Variants in SLC20A2 observed in about 807,000 individuals in gnomAD.
SLC20A2 encodes sodium-dependent phosphate transporter 2.
Under a neutral mutation model 61.0 loss-of-function variants are expected in SLC20A2, and 30 were observed. The observed-to-expected ratio is 0.49, with a 90% CI of 0.37 to 0.67. SLC20A2 has a LOEUF of 0.67. SLC20A2 is among the 30% of genes least tolerant of loss of function. The probability of loss-of-function intolerance (pLI) is 0.00; values close to 1 mark genes in which losing one functional copy is unlikely to be tolerated. For missense variants in SLC20A2, 626 were observed against 866.4 expected (o/e 0.72, Z 3.48); for synonymous variants, 351 against 353.3 (o/e 0.99, Z 0.07).
intron 10 of SLC20A2, among the ~76,000 whole-genome samples, chr8:42,426,028 T>TC (rs571060023): frequency 9.4e-4 from 143 of 151,690 alleles, no homozygotes; most frequent in Non-Finnish European, 1.5e-3. Flanking sequence ...AGAGCGAGAC[T>TC]CCATCTCAAA....
chr8:42,439,573 A>C lies in SLC20A2; in HGVS notation c.811T>G (p.Phe271Val). 1.9e-6 allele frequency: 3 copies of C among 1,614,168 alleles called. No individual in the cohort carries two copies. The highest frequency in any genetic ancestry group is 2.5e-6 in the Non-Finnish European group (3 of 1,180,020). ...GCCTTGGCACCTGGTAGCTCTTTAA[A>C]TACTGGGGACTCTGCTTCCTGAACC... The part of the protein sequence containing the change: ...SKVQEAESPV[F>V]KELPGAKAND... Residue 271 changes from phenylalanine to valine, a missense_variant, in exon 7 of 11, where the codon TTT (phenylalanine) becomes GTT (valine). Phe to Val is a conservative substitution (Grantham distance 50, BLOSUM62 -1). Around this residue, in one of 3 missense-constraint regions of SLC20A2, gnomAD observed 361 missense variants for 422.3 expected, o/e 0.85. Coordinates refer to ENST00000520262, the MANE Select transcript of SLC20A2 (RefSeq NM_001257180.2).
intron 5 of SLC20A2, among the ~76,000 whole-genome samples, chr8:42,458,000 T>C (rs564336721): frequency 6.6e-6 from 1 of 152,326 alleles, no homozygotes; most frequent in East Asian, 1.9e-4. Context: ...AAGAGGGCGC[T>C]TTTCGATTAT....
At chr8:42,534,414 T>G (rs1052934495) in intron 1 of SLC20A2, among the ~76,000 whole-genome samples, 14 of 152,232 alleles carry the variant, frequency 9.2e-5, no homozygotes, top group Non-Finnish European at 1.6e-4. Context: ...TACCCATGTT[T>G]TTCTGGTTTC....
chr8:42,476,320 G>T (rs1038804988), intron 1 of SLC20A2, among the ~76,000 whole-genome samples: 1 of 151,734 alleles, frequency 6.6e-6, no homozygotes, highest in African/African-American at 2.4e-5. Flanking sequence ...AGCCAGGATG[G>T]TCTCAATCTG....
intron 1 of SLC20A2, among the ~76,000 whole-genome samples, chr8:42,491,745 C>G (rs564460137): frequency 1.3e-5 from 2 of 152,080 alleles, no homozygotes; most frequent in Non-Finnish European, 2.9e-5. Flanking sequence ...TCTCAGAAAC[C>G]CTTTTTATCT....
intron 8 of SLC20A2, 122 bp from the exon 9 acceptor site, chr8:42,430,371 CT>C (rs770106630): frequency 8.2e-4 from 716 of 878,088 alleles, no homozygotes; most frequent in Non-Finnish European, 9.4e-4. Flanking sequence ...GTTTTTCTTT[CT>C]TTTTTTTTGA....
At chr8:42,441,120 G>C (rs1407191113) in intron 6 of SLC20A2, among the ~76,000 whole-genome samples, 1 of 150,172 alleles carries the variant, frequency 6.7e-6, no homozygotes, top group Non-Finnish European at 1.5e-5. Context: ...CTTTGGTGAA[G>C]TGTCTATTCA....
At chr8:42,491,513 A>G (rs1809510241) in intron 1 of SLC20A2, among the ~76,000 whole-genome samples, 1 of 151,966 alleles carries the variant, frequency 6.6e-6, no homozygotes, top group Admixed American at 6.6e-5. Flanking sequence ...TCCAAAAAAA[A>G]AAAAAAAATT....
At chr8:42,459,248 A>AAAAC (rs1806503107) in intron 5 of SLC20A2, among the ~76,000 whole-genome samples, 1 of 149,688 alleles carries the variant, frequency 6.7e-6, no homozygotes, top group African/African-American at 2.5e-5. Context: ...AAAAAAAAAA[A>AAAAC]AAAAAAAAAA....
rs182877436 is a variant in SLC20A2, at chr8:42,453,658, A to T, written c.613+6238T>A. ...AATAAGATTTTGACTCACTCACTGG[A>T]CATTCTAGAAACATTCCCCTGGAAT... On this transcript the variant is annotated intron_variant, in intron 5 of 10. Transcript: ENST00000520262. 2.2e-4 allele frequency among the ~76,000 whole-genome samples: 34 copies of T among 152,326 alleles called. 1 individual carries two copies. In the East Asian group the frequency reaches 6.4e-3, roughly 28 times the overall value.
rs567160862 is a variant in SLC20A2, at chr8:42,518,406, A to G, written c.-265+23415T>C. Among the ~76,000 whole-genome samples, 34 of 152,360 alleles carry G rather than the reference A, an allele frequency of 2.2e-4. 1 individual carries two copies. Among genetic ancestry groups the G allele is most frequent in the South Asian group, 1.2e-3 (6 of 4,830 alleles). Reference sequence around the variant, plus strand: ...CATTTTTGAAACAAGAGTTAAATCTATATCTATTGACCTGGAGGCATATCT... The same window carrying G: ...CATTTTTGAAACAAGAGTTAAATCTGTATCTATTGACCTGGAGGCATATCT... On this transcript the variant is annotated intron_variant, in intron 1 of 10. Coordinates refer to the SLC20A2 transcript ENST00000342228.
chr8:42,467,546 G>A (rs1455270109), intron 2 of SLC20A2, among the ~76,000 whole-genome samples: 1 of 152,188 alleles, frequency 6.6e-6, no homozygotes, highest in South Asian at 2.1e-4. Context: ...CTTTTCAGGG[G>A]ACCCCTGGCA....
At chr8:42,518,741 A>G (rs144964689) in intron 1 of SLC20A2, among the ~76,000 whole-genome samples, 15 of 152,330 alleles carry the variant, frequency 9.8e-5, no homozygotes, top group African/African-American at 3.6e-4. Context: ...CACACTCCAC[A>G]CAGGTTTTCT....
chr8:42,507,861 G>A (rs1216886010), intron 1 of SLC20A2, among the ~76,000 whole-genome samples: 1 of 152,178 alleles, frequency 6.6e-6, no homozygotes, highest in Non-Finnish European at 1.5e-5. Flanking sequence ...TTCCAGTTGT[G>A]TTAATCAAGA....
chr8:42,530,489 T>C (rs945021557), intron 1 of SLC20A2, among the ~76,000 whole-genome samples: 26 of 152,172 alleles, frequency 1.7e-4, no homozygotes, highest in African/African-American at 5.8e-4. Flanking sequence ...TTCCCAAAAG[T>C]AGTCATTGCG....
chr8:42,468,200 C>A (rs1807341091), intron 2 of SLC20A2, among the ~76,000 whole-genome samples: 1 of 152,190 alleles, frequency 6.6e-6, no homozygotes, highest in Non-Finnish European at 1.5e-5. Context: ...CCGCTACCAG[C>A]CTATATTCTT....
intron 1 of SLC20A2, chr8:42,484,970 G>A (rs1259641249): frequency 3.1e-6 from 1 of 319,658 alleles, no homozygotes; most frequent in African/African-American, 2.2e-5. Context: ...CTAAGCACAA[G>A]GCCTGCATTT....
At chr8:42,455,239 A>T (rs192142777) in intron 5 of SLC20A2, among the ~76,000 whole-genome samples, 6,283 of 96,678 alleles carry the variant, frequency 0.065, 508 homozygotes, top group African/African-American at 0.2. Context: ...AAAAAAAAAA[A>T]AAATATATAT....
chr8:42,511,355 G>C (rs1340361231), intron 1 of SLC20A2, among the ~76,000 whole-genome samples: 1 of 152,094 alleles, frequency 6.6e-6, no homozygotes, highest in African/African-American at 2.4e-5. Flanking sequence ...TTGGCCAGGC[G>C]CAGTGGCTCA....
Sources: gnomAD v4.1 joint callset for allele counts (sites outside exome capture counted in the v4.1 genomes callset) on GRCh38, gnomAD v4.1.1 for gene constraint, gnomAD v4.1.1 regional missense constraint, MANE v1.5 for transcripts, NCBI Gene and HGNC (gene_info 2026-07-23, HGNC 2026-07-21) for gene names.